DOK6: variants seen among roughly 807,000 people sequenced by gnomAD.
The protein encoded by DOK6 is docking protein 6, also known as downstream of tyrosine kinase 6.
In DOK6, 22 loss-of-function variants were observed where a neutral mutation model predicts 44.0. That is an observed-to-expected ratio of 0.50 (90% CI 0.36 to 0.71). The LOEUF is 0.71. Among genes scored for constraint, DOK6 ranks in the 30% least tolerant of loss-of-function variants. DOK6 has a pLI of 0.00. For missense variants in DOK6, 340 were observed against 416.4 expected, an observed-to-expected ratio of 0.82 and a Z score of 1.60; for synonymous variants, 166 against 145.5, an observed-to-expected ratio of 1.14 and a Z score of -1.01.
intron 6 of DOK6, 160 bp downstream of exon 6, chr18:69,739,263 T>G: frequency 1.1e-6 from 1 of 894,576 alleles, no homozygotes; most frequent in Non-Finnish European, 1.6e-6. Context: ...TAATATCCTA[T>G]TCAATATGTC....
intron 2 of DOK6, among the ~76,000 whole-genome samples, chr18:69,577,719 A>G (rs1472643437): frequency 6.6e-6 from 1 of 152,142 alleles, no homozygotes; most frequent in Non-Finnish European, 1.5e-5. Flanking sequence ...AAAACTCGAA[A>G]CCAGAGATTA....
At chr18:69,714,703 G>A (rs1986842436) in intron 5 of DOK6, among the ~76,000 whole-genome samples, 1 of 152,054 alleles carries the variant, frequency 6.6e-6, no homozygotes, top group Non-Finnish European at 1.5e-5. Context: ...ATACCAATTG[G>A]TATAAAAAGA....
intron 7 of DOK6, among the ~76,000 whole-genome samples, chr18:69,765,804 C>T (rs1356610867): frequency 6.6e-6 from 1 of 152,098 alleles, no homozygotes; most frequent in East Asian, 1.9e-4. Context: ...CCTTTCTAAG[C>T]TTATTGCTTG....
Position 69,665,339 on chromosome 18 carries a change from A to G in DOK6, c.290-12395A>G, listed in dbSNP as rs556099221. ...GCTAGAAACCTATGACCCAATGCAC[A>G]CTTGTGAAATGAGATGGGATAGACA... On this transcript the variant is annotated intron_variant, in intron 3 of 7. Coordinates refer to ENST00000382713, the MANE Select transcript of DOK6 (RefSeq NM_152721.6). 1.7e-4 allele frequency among the ~76,000 whole-genome samples: 26 copies of G among 152,282 alleles called. 1 individual carries two copies. Among genetic ancestry groups the G allele is most frequent in the Admixed American group, 1.6e-3 (25 of 15,292 alleles).
chr18:69,653,445 G>A (rs776798873), intron 3 of DOK6, among the ~76,000 whole-genome samples: 3 of 152,120 alleles, frequency 2.0e-5, no homozygotes, highest in Non-Finnish European at 2.9e-5. Context: ...GGTACTTGCC[G>A]TCTGGTAGGT....
At chr18:69,539,259 AT>A (rs760776038) in intron 1 of DOK6, among the ~76,000 whole-genome samples, 21 of 152,308 alleles carry the variant, frequency 1.4e-4, no homozygotes, top group Non-Finnish European at 2.9e-4. Context: ...CAAATTTAGT[AT>A]TTATTACCAG....
intron 7 of DOK6, among the ~76,000 whole-genome samples, chr18:69,824,201 C>CT (rs1426535522): frequency 7.3e-6 from 1 of 136,594 alleles, no homozygotes; most frequent in African/African-American, 2.7e-5. Flanking sequence ...CCCCCTCCCC[C>CT]CACCCCACAA....
At chr18:69,773,094 C>A (rs182168166) in intron 7 of DOK6, among the ~76,000 whole-genome samples, 1 of 152,030 alleles carries the variant, frequency 6.6e-6, no homozygotes, top group East Asian at 1.9e-4. Context: ...TGAAAAGATA[C>A]TCAGCATCAC....
intron 1 of DOK6, among the ~76,000 whole-genome samples, chr18:69,460,618 A>C (rs1979762206): frequency 6.6e-6 from 1 of 152,224 alleles, no homozygotes; most frequent in Admixed American, 6.5e-5. Context: ...TGAACACTGA[A>C]GAAATTGTAA....
Position 69,757,543 on chromosome 18 carries a change from T to G in DOK6, c.739-213T>G, listed in dbSNP as rs375054503. ...AATCATTCGTACCATCTTAATGTTC[T>G]CTTCTTAATTAATGAGTAAAATTGT... On this transcript the variant is annotated intron_variant, in intron 6 of 7. Coordinates refer to ENST00000382713, the MANE Select transcript of DOK6 (RefSeq NM_152721.6). Among the ~76,000 whole-genome samples, 7 of 152,354 alleles carry G rather than the reference T, an allele frequency of 4.6e-5. No individual in the cohort carries two copies. The South Asian group carries it at 8.3e-4, about 18-fold the overall frequency.
At chr18:69,742,291 G>C (rs1349525980) in intron 6 of DOK6, among the ~76,000 whole-genome samples, 1 of 151,836 alleles carries the variant, frequency 6.6e-6, no homozygotes, top group Admixed American at 6.6e-5. Flanking sequence ...GCACATGCCT[G>C]TAATCCCAGC....
chr18:69,613,716 C>T (rs950114690), intron 3 of DOK6, among the ~76,000 whole-genome samples: 1 of 151,956 alleles, frequency 6.6e-6, no homozygotes, highest in East Asian at 1.9e-4. Context: ...AACTTATCTT[C>T]AAATGATTTT....
chr18:69,603,842 T>C (rs1203846823), intron 3 of DOK6, among the ~76,000 whole-genome samples: 1 of 151,526 alleles, frequency 6.6e-6, no homozygotes, highest in Non-Finnish European at 1.5e-5. Flanking sequence ...AGCCAAAAAG[T>C]TGACATTAAA....
chr18:69,521,609 G>A (rs1417313119), intron 1 of DOK6, among the ~76,000 whole-genome samples: 1 of 151,858 alleles, frequency 6.6e-6, no homozygotes, highest in Non-Finnish European at 1.5e-5. Context: ...TCGATTTGAG[G>A]ATTAAATTTT....
At chr18:69,500,387 T>C (rs944916290) in intron 1 of DOK6, among the ~76,000 whole-genome samples, 4 of 152,186 alleles carry the variant, frequency 2.6e-5, no homozygotes, top group Non-Finnish European at 5.9e-5. Context: ...CTCTTTCATA[T>C]GTCACCTTCT....
intron 6 of DOK6, among the ~76,000 whole-genome samples, chr18:69,751,575 T>C (rs1979180559): frequency 1.3e-5 from 2 of 152,196 alleles, no homozygotes; most frequent in African/African-American, 2.4e-5. Context: ...TCTACATCAG[T>C]GTGTGCATCT....
intron 7 of DOK6, among the ~76,000 whole-genome samples, chr18:69,797,434 T>C (rs1980778216): frequency 6.6e-6 from 1 of 152,102 alleles, no homozygotes; most frequent in Non-Finnish European, 1.5e-5. Flanking sequence ...CCTCATACAT[T>C]AAGGCAGAAT....
intron 1 of DOK6, among the ~76,000 whole-genome samples, chr18:69,437,629 C>T (rs1979019882): frequency 6.6e-6 from 1 of 152,004 alleles, no homozygotes. Context: ...GTTCTTTTTG[C>T]TTAGGATTGT....
intron 1 of DOK6, among the ~76,000 whole-genome samples, chr18:69,493,114 C>T (rs1414844679): frequency 6.6e-6 from 1 of 152,106 alleles, no homozygotes; most frequent in Non-Finnish European, 1.5e-5. Context: ...TTTCCAGAAC[C>T]TCCCAGGTGA....
Sources: allele counts gnomAD v4.1 joint callset (sites outside exome capture counted in the v4.1 genomes callset), GRCh38; gene constraint gnomAD v4.1.1; transcripts MANE v1.5; gene names NCBI Gene and HGNC (gene_info 2026-07-23, HGNC 2026-07-21).